The following SNAP23 variants were observed in gnomAD, a reference collection of about 807,000 sequenced individuals.
SNAP23 encodes synaptosome associated protein 23.
In SNAP23, 11 loss-of-function variants were observed where a neutral mutation model predicts 29.0. The observed-to-expected ratio is 0.38, with a 90% CI of 0.24 to 0.63. The LOEUF (loss-of-function observed/expected upper bound fraction) is 0.63. Ranked by LOEUF, SNAP23 falls within the 20% of genes least tolerant of loss-of-function variation. The probability of loss-of-function intolerance (pLI) is 0.58; values close to 1 mark genes in which losing one functional copy is unlikely to be tolerated. For missense variants in SNAP23, 220 were observed against 253.9 expected (o/e 0.87, Z 0.91); for synonymous variants, 60 against 82.9 (o/e 0.72, Z 1.50).
chr15:42,514,429 G>T (rs2141529189), intron 4 of SNAP23, among the ~76,000 whole-genome samples: 1 of 152,274 alleles, frequency 6.6e-6, no homozygotes, highest in South Asian at 2.1e-4. Context: ...GATTATAGGC[G>T]TGAGCCACCG....
At chr15:42,512,246 C>T (rs2057362752) in intron 2 of SNAP23, 1 of 162,702 alleles carries the variant, frequency 6.1e-6, no homozygotes, top group African/African-American at 2.4e-5. Context: ...TTTTTATTCC[C>T]ATGAACTTCA....
In SNAP23 at chr15:42,528,472, T is replaced by C. The variant is rs748333589; in HGVS notation, c.425+52T>C. The C allele has an allele frequency of 3.8e-6, 6 of 1,567,098 alleles. No individual in the cohort carries two copies. In the Admixed American group the frequency reaches 8.4e-5, roughly 22 times the overall value. On this transcript the variant is annotated intron_variant, in intron 6 of 7. Transcript: ENST00000249647. ...GTACCTTTCTTAATGAATGGTTCAC[T>C]TAGGAGATGAGTTTAGCAGTACATG...
intron 5 of SNAP23, among the ~76,000 whole-genome samples, chr15:42,519,717 G>T (rs541571517): frequency 6.6e-6 from 1 of 152,026 alleles, no homozygotes; most frequent in Admixed American, 6.6e-5. Flanking sequence ...TGCTCAGGCT[G>T]GTCTCAAACT....
chr15:42,514,700 CTTTT>C (rs869134157), intron 4 of SNAP23, among the ~76,000 whole-genome samples: 3 of 115,146 alleles, frequency 2.6e-5, no homozygotes, highest in Non-Finnish European at 5.5e-5. Context: ...ATACAAGATT[CTTTT>C]TTTTTTTTTT....
At chr15:42,493,585 C>T (rs1256281020), upstream of SNAP23, among the ~76,000 whole-genome samples, 1 of 152,180 alleles carries the variant, frequency 6.6e-6, no homozygotes, top group Admixed American at 6.6e-5. Context: ...CATACATTTT[C>T]TCCACCTCTG....
intron 5 of SNAP23, among the ~76,000 whole-genome samples, chr15:42,516,277 A>C (rs1266451442): frequency 6.6e-6 from 1 of 151,648 alleles, no homozygotes; most frequent in Non-Finnish European, 1.5e-5. Context: ...AGATCCTCCC[A>C]CCTTGGCCTC....
At chr15:42,530,119 TATTTTGTTAACTAATTTTTTA>T (rs537913081) in intron 7 of SNAP23, among the ~76,000 whole-genome samples, 1 of 152,376 alleles carries the variant, frequency 6.6e-6, no homozygotes, top group Admixed American at 6.5e-5. Context: ...AAATGAGTTT[TATTTTGTTAACTAATTTTTTA>T]ATTGAGAATG....
At chr15:42,494,517 T>C (rs1326136622), upstream of SNAP23, among the ~76,000 whole-genome samples, 3 of 151,218 alleles carry the variant, frequency 2.0e-5, no homozygotes, top group African/African-American at 7.3e-5. Flanking sequence ...TTTCTTTTTT[T>C]TTTTTTTTTG....
intron 5 of SNAP23, among the ~76,000 whole-genome samples, chr15:42,524,285 C>T (rs1188958270): frequency 6.6e-6 from 1 of 152,154 alleles, no homozygotes; most frequent in Non-Finnish European, 1.5e-5. Flanking sequence ...CAACAACAAA[C>T]GATTCCCAGG....
intron 1 of SNAP23, among the ~76,000 whole-genome samples, chr15:42,509,065 A>T (rs1351176216): frequency 6.6e-6 from 1 of 152,158 alleles, no homozygotes; most frequent in African/African-American, 2.4e-5. Context: ...ATGGAAAAGC[A>T]TGAGGCTACC....
At chr15:42,522,023 A>T in intron 5 of SNAP23, 1 of 175,946 alleles carries the variant, frequency 5.7e-6, no homozygotes, top group Non-Finnish European at 1.2e-5. Flanking sequence ...AGGTAAGGGA[A>T]GTCATGCTAA....
chr15:42,531,825 GT>G lies in SNAP23; in HGVS notation c.*353del, dbSNP rs1272783131. The G allele has an allele frequency of 1.2e-5, 2 of 170,674 alleles. No homozygotes were observed. The highest frequency in any genetic ancestry group is 2.0e-4 in the South Asian group (1 of 5,086). 10.6% of individuals were successfully genotyped at this position (170,674 alleles called of 1,614,324 possible). A position where few individuals can be genotyped will look rare whatever the true frequency, so the allele number is the denominator to read the frequency against. Reference sequence around the variant, plus strand: ...CCATGAAGAAGGAAGCTGTAGAGGTGTTTTTTGTTGTTGTTTATTTTTGCTT... The same window carrying G: ...CCATGAAGAAGGAAGCTGTAGAGGTGTTTTTGTTGTTGTTTATTTTTGCTT... On this transcript the variant is annotated 3_prime_UTR_variant, in exon 8 of 8. Coordinates refer to ENST00000249647, the MANE Select transcript of SNAP23 (RefSeq NM_003825.4).
chr15:42,502,508 C>G (rs1456962348), intron 1 of SNAP23, among the ~76,000 whole-genome samples: 1 of 148,758 alleles, frequency 6.7e-6, no homozygotes, highest in African/African-American at 2.5e-5. Context: ...AGTGAGCCAC[C>G]CTATATCTAC....
In SNAP23 at chr15:42,531,414, C is replaced by G; in HGVS notation, c.572C>G (p.Ala191Gly). The G allele has an allele frequency of 6.5e-7, 1 of 1,547,230 alleles. No individual in the cohort carries two copies. Among genetic ancestry groups the G allele is most frequent in the Non-Finnish European group, 8.7e-7 (1 of 1,150,440 alleles). Residue 191 changes from alanine (A) to glycine (G), a missense_variant and splice_region_variant, in exon 8 of 8, where the codon GCT (alanine) becomes GGT (glycine). Ala to Gly is a moderately conservative substitution (Grantham distance 60, BLOSUM62 0). Coordinates refer to ENST00000249647, the MANE Select transcript of SNAP23 (RefSeq NM_003825.4). ...NPQIKRITDK[A>G]DTNRDRIDIA... ...GCTGATATCTTTCTTGTTTTTCAGG[C>G]TGACACCAACAGAGATCGTATTGAT...
intron 1 of SNAP23, among the ~76,000 whole-genome samples, chr15:42,497,375 A>C (rs1486060895): frequency 1.3e-5 from 2 of 151,658 alleles, no homozygotes; most frequent in African/African-American, 4.8e-5. Flanking sequence ...GGCCTGGCTA[A>C]TTTTTGTATT....
intron 7 of SNAP23, among the ~76,000 whole-genome samples, chr15:42,530,642 C>T (rs779617425): frequency 3.9e-5 from 6 of 151,954 alleles, no homozygotes; most frequent in South Asian, 2.1e-4. Flanking sequence ...CCCAGTTACT[C>T]GGGAGGCTGA....
intron 5 of SNAP23, among the ~76,000 whole-genome samples, chr15:42,526,025 T>G (rs2057498701): frequency 6.6e-6 from 1 of 152,152 alleles, no homozygotes; most frequent in Non-Finnish European, 1.5e-5. Context: ...CCCAGTCCAC[T>G]CCTCTTTTTG....
chr15:42,511,957 A>T lies in SNAP23; in HGVS notation c.57+54A>T, dbSNP rs1421808130. 14 of 1,247,120 alleles carry T rather than the reference A, an allele frequency of 1.1e-5. 1 individual carries two copies. In the Admixed American group the frequency reaches 2.5e-4, roughly 22 times the overall value. 77.3% of individuals were successfully genotyped at this position (1,247,120 alleles called of 1,614,324 possible). ...AATTCTATTTCAGTTTTCATATTGG[A>T]GGAGTGAGAGAGCCTTCTTAGGGAC... On this transcript the variant is annotated intron_variant, in intron 2 of 7. Transcript: ENST00000249647.
chr15:42,516,040 G>A (rs2057394047), intron 5 of SNAP23, among the ~76,000 whole-genome samples: 1 of 152,048 alleles, frequency 6.6e-6, no homozygotes, highest in African/African-American at 2.4e-5. Context: ...GATGAGAAGT[G>A]GAAAGTAAGA....
Sources: allele counts gnomAD v4.1 joint callset (sites outside exome capture counted in the v4.1 genomes callset), GRCh38; gene constraint gnomAD v4.1.1; transcripts MANE v1.5; gene names NCBI Gene and HGNC (gene_info 2026-07-23, HGNC 2026-07-21).